Variants in THSD7B observed in about 807,000 individuals in gnomAD.
THSD7B encodes the protein thrombospondin type 1 domain containing 7B, also known as thrombospondin type-1 domain-containing protein 7B.
In THSD7B, 138 loss-of-function variants were observed where a neutral mutation model predicts 213.6. The observed-to-expected ratio is 0.65, with a 90% CI of 0.56 to 0.74. THSD7B has a LOEUF of 0.74. THSD7B is among the 30% of genes least tolerant of loss of function. The probability of loss-of-function intolerance (pLI) is 0.00; values close to 1 mark genes in which losing one functional copy is unlikely to be tolerated. For missense variants in THSD7B, 1,931 were observed against 1,991.5 expected (o/e 0.97, Z 0.58); for synonymous variants, 742 against 687.0 (o/e 1.08, Z -1.25).
At chr2:137,224,249 A>C (rs552173664) in intron 7 of THSD7B, among the ~76,000 whole-genome samples, 14 of 152,304 alleles carry the variant, frequency 9.2e-5, no homozygotes, top group African/African-American at 3.4e-4. Flanking sequence ...GATCATACTT[A>C]CATTTCACTG....
chr2:136,919,246 C>A (rs569946518), intron 2 of THSD7B, among the ~76,000 whole-genome samples: 1 of 152,264 alleles, frequency 6.6e-6, no homozygotes, highest in Non-Finnish European at 1.5e-5. Flanking sequence ...TAAATAGTTG[C>A]CTAAAACAGT....
intron 4 of THSD7B, among the ~76,000 whole-genome samples, chr2:137,097,787 C>T (rs918736755): frequency 3.3e-5 from 5 of 151,422 alleles, no homozygotes; most frequent in Non-Finnish European, 7.4e-5. Context: ...CACACACACA[C>T]ACACACACAC....
chr2:137,547,297 G>A (rs1680760799), intron 15 of THSD7B, among the ~76,000 whole-genome samples: 1 of 151,982 alleles, frequency 6.6e-6, no homozygotes, highest in South Asian at 2.1e-4. Flanking sequence ...GTCTGTTATG[G>A]AAGGACTCCC....
chr2:137,383,109 G>A (rs1685813274), intron 12 of THSD7B, among the ~76,000 whole-genome samples: 1 of 152,312 alleles, frequency 6.6e-6, no homozygotes, highest in East Asian at 1.9e-4. Context: ...ATACAGAAGT[G>A]GCTAGTTGGC....
chr2:136,825,733 T>TTTTTTGTTTTTTTTTTTTTTTAGATC (rs1682637610), intron 1 of THSD7B, among the ~76,000 whole-genome samples: 1 of 129,138 alleles, frequency 7.7e-6, no homozygotes, highest in African/African-American at 2.7e-5. Context: ...TTTTTTTTTT[T>TTTTTTGTTTTTTTTTTTTTTTAGATC]TAGATCTGGG....
At chr2:137,615,976 A>C (rs535105365) in intron 17 of THSD7B, among the ~76,000 whole-genome samples, 199 bp from the exon 18 acceptor site, 2 of 152,206 alleles carry the variant, frequency 1.3e-5, no homozygotes, top group Non-Finnish European at 2.9e-5. Context: ...TAACACAGGA[A>C]AAACAAAAGA....
At chr2:137,088,033 A>G (rs552399160) in intron 3 of THSD7B, among the ~76,000 whole-genome samples, 27 of 152,244 alleles carry the variant, frequency 1.8e-4, no homozygotes, top group Admixed American at 6.5e-4. Flanking sequence ...TGAGTTCAGG[A>G]GTTCGATACC....
chr2:137,027,039 T>A (rs1379199305), intron 2 of THSD7B, among the ~76,000 whole-genome samples: 1 of 152,216 alleles, frequency 6.6e-6, no homozygotes, highest in African/African-American at 2.4e-5. Flanking sequence ...TGTTCACAAC[T>A]ATTTTGTAAC....
rs535967882 is a variant in THSD7B at position 136,906,184 on chromosome 2, G to T, written c.139+23867G>T. On this transcript the variant is annotated intron_variant, in intron 2 of 27. Coordinates refer to ENST00000409968, the MANE Select transcript of THSD7B (RefSeq NM_001316349.2). ...TCATTCAATTTCCCTTGTGTGGAGT[G>T]AAGTTTTAAGAGAATCTGATTCTTC... Among the ~76,000 whole-genome samples, 6 of 152,240 alleles carry T rather than the reference G, an allele frequency of 3.9e-5. No individual in the cohort carries two copies. The South Asian group carries it at 1.2e-3, about 32-fold the overall frequency.
In THSD7B at chr2:136,849,143, T is replaced by G. The variant is rs1048639369; in HGVS notation, c.-35-33001T>G. On this transcript the variant is annotated intron_variant, in intron 1 of 27. Transcript: ENST00000409968. ...GTAAAACACATCCCCTTACCACCACTGATACATCTGGTTTCTGATGCATTT... is the reference window on the plus strand; with the variant it reads ...GTAAAACACATCCCCTTACCACCACGGATACATCTGGTTTCTGATGCATTT... Among the ~76,000 whole-genome samples, 4 of 152,290 alleles carry G rather than the reference T, an allele frequency of 2.6e-5. 1 individual carries two copies. The South Asian group carries it at 8.3e-4, about 32-fold the overall frequency.
At chr2:137,076,993 A>G (rs184918197) in intron 3 of THSD7B, among the ~76,000 whole-genome samples, 2,776 of 99,402 alleles carry the variant, frequency 0.028, 143 homozygotes, top group African/African-American at 0.1. Flanking sequence ...ACCCCACAAC[A>G]GGCCCCAGTG....
intron 25 of THSD7B, among the ~76,000 whole-genome samples, chr2:137,661,397 G>A (rs1683340022): frequency 1.3e-5 from 2 of 151,940 alleles, no homozygotes; most frequent in Non-Finnish European, 2.9e-5. Flanking sequence ...ATAGGCATAG[G>A]TATATTTCTC....
At chr2:137,436,396 C>T (rs1391311010) in intron 14 of THSD7B, among the ~76,000 whole-genome samples, 8 of 152,074 alleles carry the variant, frequency 5.3e-5, no homozygotes, top group East Asian at 1.9e-4. Context: ...AGAATTTGCA[C>T]GAGAATGCAC....
At chr2:137,388,681 C>T (rs183875849) in intron 12 of THSD7B, among the ~76,000 whole-genome samples, 37 of 152,106 alleles carry the variant, frequency 2.4e-4, no homozygotes, top group Admixed American at 1.4e-3. Flanking sequence ...CACACATATC[C>T]TTCTCATCCT....
chr2:137,066,802 T>A (rs1181806195), intron 3 of THSD7B, among the ~76,000 whole-genome samples: 2 of 152,160 alleles, frequency 1.3e-5, no homozygotes, highest in Non-Finnish European at 2.9e-5. Flanking sequence ...TTTCTCTCTT[T>A]ATTTTCCTAC....
chr2:137,477,057 A>G (rs976876769), intron 15 of THSD7B, among the ~76,000 whole-genome samples: 5 of 152,118 alleles, frequency 3.3e-5, no homozygotes, highest in African/African-American at 1.2e-4. Context: ...TTTATATGCA[A>G]TGTTTCTTTG....
chr2:137,513,366 A>C (rs988211109), intron 15 of THSD7B, among the ~76,000 whole-genome samples: 1 of 152,218 alleles, frequency 6.6e-6, no homozygotes, highest in Non-Finnish European at 1.5e-5. Context: ...TGATATTTTA[A>C]TTGCAAGTAG....
chr2:137,209,820 A>G (rs915479860), intron 7 of THSD7B, among the ~76,000 whole-genome samples: 1 of 152,120 alleles, frequency 6.6e-6, no homozygotes, highest in Non-Finnish European at 1.5e-5. Context: ...CAAAATTCAT[A>G]TGGTGAAGTC....
chr2:137,656,911 G>T lies in THSD7B; in HGVS notation c.4221G>T (p.Gln1407His), dbSNP rs779304767. ...CTAGATCAAGGACTTTTATAATTCA[G>T]TCTTTTGAGAACCAAGACAGCTGCC... is the stretch of plus-strand genomic sequence containing the variant. ...RQSRSRTFII[Q>H]SFENQDSCPQ... Residue 1407 changes from glutamine to histidine, a missense_variant, in exon 23 of 28, where the codon CAG becomes CAT. Transcript: ENST00000409968. The T allele has an allele frequency of 1.9e-6, 3 of 1,613,976 alleles. No homozygotes were observed. Among genetic ancestry groups the T allele is most frequent in the South Asian group, 2.2e-5 (2 of 91,086 alleles).
Sources: gnomAD v4.1 joint callset for allele counts (sites outside exome capture counted in the v4.1 genomes callset) on GRCh38, gnomAD v4.1.1 for gene constraint, MANE v1.5 for transcripts, NCBI Gene and HGNC (gene_info 2026-07-23, HGNC 2026-07-21) for gene names.